The following L3MBTL4 variants were observed in gnomAD, a reference collection of about 807,000 sequenced individuals.
The protein encoded by L3MBTL4 is L3MBTL histone methyl-lysine binding protein 4.
A neutral mutation model predicts 84.5 loss-of-function variants in L3MBTL4; 70 were observed. That is an observed-to-expected ratio of 0.83 (90% CI 0.68 to 1.01). The LOEUF (loss-of-function observed/expected upper bound fraction) is 1.01, where lower values mean the gene tolerates loss of function less well. L3MBTL4 is among the 50% of genes least tolerant of loss of function. The pLI, the probability that L3MBTL4 is intolerant of heterozygous loss-of-function variation, is 0.00. For missense variants in L3MBTL4, 715 were observed against 754.8 expected, an observed-to-expected ratio of 0.95 and a Z score of 0.62; for synonymous variants, 274 against 259.8, an observed-to-expected ratio of 1.05 and a Z score of -0.52.
intron 16 of L3MBTL4, among the ~76,000 whole-genome samples, chr18:5,998,726 G>A (rs2054089696): frequency 6.6e-6 from 1 of 152,066 alleles, no homozygotes; most frequent in Non-Finnish European, 1.5e-5. Context: ...CAAAGGTTGG[G>A]GTGATTACTC....
rs547419644 is a variant in L3MBTL4 at position 6,138,247 on chromosome 18, G to C, written c.1146C>G (p.Pro382=). ...GGATATGGCCTATTCCTCGGCACCCGGGAGTAGGACAGACAGCTTGACCTG... is the reference window on the plus strand; with the variant it reads ...GGATATGGCCTATTCCTCGGCACCCCGGAGTAGGACAGACAGCTTGACCTG... ...ILPGQAVCPT[P]GCRGIGHIRG... Residue 382 remains proline, a synonymous_variant, in exon 14 of 19, where the codon CCC becomes CCG. Transcript: ENST00000317931. 2 of 1,613,362 alleles carry C rather than the reference G, an allele frequency of 1.2e-6. No individual in the cohort carries two copies. The highest frequency in any genetic ancestry group is 1.7e-6 in the Non-Finnish European group (2 of 1,179,574).
chr18:6,320,163 T>G (rs1022390464), intron 1 of L3MBTL4, among the ~76,000 whole-genome samples: 3 of 152,056 alleles, frequency 2.0e-5, no homozygotes, highest in African/African-American at 7.2e-5. Flanking sequence ...ACAAGAGCCA[T>G]GTATGACATA....
intron 1 of L3MBTL4, among the ~76,000 whole-genome samples, chr18:6,376,224 G>A (rs2054362533): frequency 6.6e-6 from 1 of 152,130 alleles, no homozygotes; most frequent in Non-Finnish European, 1.5e-5. Context: ...CTGGAGCACG[G>A]CACCCAAATC....
rs144897911 is a variant in L3MBTL4, at chr18:6,013,626, C to T, written c.1445-44064G>A. Among the ~76,000 whole-genome samples the T allele has an allele frequency of 1.2e-3, 181 of 152,334 alleles. 2 individuals are homozygous for T. The highest frequency in any genetic ancestry group is 5.6e-3 in the East Asian group (29 of 5,184). ...CCTCGGCCCTCTGTGACTGGTCCAA[C>T]GTCCCTGCCATCTGCTCTTGAAGTA... On this transcript the variant is annotated intron_variant, in intron 16 of 18. Coordinates refer to ENST00000317931, the MANE Select transcript of L3MBTL4 (RefSeq NM_001330559.2).
intron 16 of L3MBTL4, among the ~76,000 whole-genome samples, chr18:5,976,547 G>A (rs776258668): frequency 5.3e-5 from 8 of 152,128 alleles, no homozygotes; most frequent in Non-Finnish European, 1.0e-4. Context: ...ATTACACCCT[G>A]CCCCAGAAAT....
At chr18:6,116,691 G>A (rs1222071612) in intron 14 of L3MBTL4, among the ~76,000 whole-genome samples, 1 of 152,090 alleles carries the variant, frequency 6.6e-6, no homozygotes, top group Non-Finnish European at 1.5e-5. Context: ...GTAGAGAAAA[G>A]TTGTTTGTTT....
chr18:6,137,520 A>C (rs536454020), intron 14 of L3MBTL4, among the ~76,000 whole-genome samples: 82 of 152,248 alleles, frequency 5.4e-4, no homozygotes, highest in Middle Eastern at 6.8e-3. Flanking sequence ...AAACTTTTCT[A>C]TGTTTGTTTA....
Position 5,954,900 on chromosome 18 carries a change from T to A in L3MBTL4, c.*1320A>T, listed in dbSNP as rs185920840. The A allele has an allele frequency of 1.1e-4, 17 of 152,298 alleles. No individual in the cohort carries two copies. Among genetic ancestry groups the A allele is most frequent in the African/African-American group, 3.6e-4 (15 of 41,562 alleles). 9.4% of individuals were successfully genotyped at this position (152,298 alleles called of 1,614,324 possible). A position where few individuals can be genotyped will look rare whatever the true frequency, so the allele number is the denominator to read the frequency against. On this transcript the variant is annotated 3_prime_UTR_variant, in exon 19 of 19. Coordinates refer to ENST00000317931, the MANE Select transcript of L3MBTL4 (RefSeq NM_001330559.2). The stretch of plus-strand genomic sequence containing the variant: ...TAGGTAAAGATCTAAAGAAATGTTA[T>A]ATATGCACACCTCTTAGAGTTTGTT...
intron 1 of L3MBTL4, among the ~76,000 whole-genome samples, chr18:6,402,782 T>A (rs549991611): frequency 6.6e-6 from 1 of 152,330 alleles, no homozygotes; most frequent in South Asian, 2.1e-4. Flanking sequence ...TTTGAGAGTG[T>A]CAGAATTCTT....
intron 1 of L3MBTL4, chr18:6,396,732 T>C (rs1298405931): frequency 6.6e-6 from 1 of 152,250 alleles, no homozygotes. Context: ...TTGCCATCCA[T>C]AAAAGTGTTT....
chr18:6,020,293 T>C (rs1281124528), intron 16 of L3MBTL4, among the ~76,000 whole-genome samples: 1 of 151,604 alleles, frequency 6.6e-6, no homozygotes, highest in Non-Finnish European at 1.5e-5. Flanking sequence ...TAGTCAGGTA[T>C]TGGGTGGAGG....
At chr18:6,044,803 T>C (rs1297629585) in intron 16 of L3MBTL4, among the ~76,000 whole-genome samples, 2 of 152,192 alleles carry the variant, frequency 1.3e-5, no homozygotes, top group African/African-American at 2.4e-5. Flanking sequence ...CCTTAAGTGG[T>C]TTATTAGAAG....
At chr18:6,331,553 C>G (rs1236046173) in intron 1 of L3MBTL4, among the ~76,000 whole-genome samples, 1 of 152,014 alleles carries the variant, frequency 6.6e-6, no homozygotes, top group Non-Finnish European at 1.5e-5. Flanking sequence ...ACCTAAGTGT[C>G]ATAAGAAGCA....
At chr18:6,122,373 C>T (rs1277120819) in intron 14 of L3MBTL4, among the ~76,000 whole-genome samples, 1 of 152,178 alleles carries the variant, frequency 6.6e-6, no homozygotes, top group East Asian at 1.9e-4. Flanking sequence ...CCACCCAAAT[C>T]TCATCTTGAA....
chr18:6,053,329 C>T (rs1326677631), intron 16 of L3MBTL4, among the ~76,000 whole-genome samples: 3 of 152,044 alleles, frequency 2.0e-5, no homozygotes, highest in Non-Finnish European at 4.4e-5. Context: ...TAAGAGGATG[C>T]GAAAATAAGT....
intron 5 of L3MBTL4, among the ~76,000 whole-genome samples, chr18:6,261,779 G>A (rs2048411852): frequency 6.6e-6 from 1 of 152,152 alleles, no homozygotes; most frequent in South Asian, 2.1e-4. Context: ...GGCTGATGGG[G>A]CTTAAAGGAT....
At chr18:6,367,581 G>C (rs976726501) in intron 1 of L3MBTL4, 5 of 152,256 alleles carry the variant, frequency 3.3e-5, no homozygotes, top group African/African-American at 9.7e-5. Context: ...TGGGGTCAGG[G>C]CAATCCCTGA....
At chr18:6,111,584 G>A (rs2059196925) in intron 14 of L3MBTL4, among the ~76,000 whole-genome samples, 1 of 152,086 alleles carries the variant, frequency 6.6e-6, no homozygotes. Flanking sequence ...GCGAAAGGGA[G>A]AGACAGAAGA....
chr18:6,323,274 T>C (rs2051521981), intron 1 of L3MBTL4, among the ~76,000 whole-genome samples: 1 of 152,134 alleles, frequency 6.6e-6, no homozygotes, highest in Non-Finnish European at 1.5e-5. Context: ...GAGTGGAGCA[T>C]TGCTATAGAG....
Sources: gnomAD v4.1 joint callset for allele counts (sites outside exome capture counted in the v4.1 genomes callset) on GRCh38, gnomAD v4.1.1 for gene constraint, MANE v1.5 for transcripts, NCBI Gene and HGNC (gene_info 2026-07-23, HGNC 2026-07-21) for gene names.